Variants in SLC35H1 observed in about 807,000 individuals in gnomAD.
SLC35H1 encodes the protein solute carrier family 35 member H1.
the SLC35H1 span, chr20:46,354,881 C>T: frequency 6.3e-7 from 1 of 1,598,854 alleles, no homozygotes; most frequent in Non-Finnish European, 8.5e-7. Flanking sequence ...GCCCAACGTA[C>T]CTTCAAATAC....
chr20:46,355,878 G>A, the SLC35H1 span: 2 of 1,614,098 alleles, frequency 1.2e-6, no homozygotes, highest in Non-Finnish European at 1.7e-6. This position sits in a 1 kb window ranked among gnomAD's most constrained non-coding sequence, Gnocchi z 4.8. Context: ...TGTGTACCTG[G>A]AAGCAAAATT....
chr20:46,354,261 C>T, the SLC35H1 span, among the ~76,000 whole-genome samples: 1 of 152,166 alleles, frequency 6.6e-6, no homozygotes, highest in Non-Finnish European at 1.5e-5. Context: ...CACACATCCC[C>T]AGGTTATATT....
the SLC35H1 span, chr20:46,351,023 C>A: frequency 8.1e-7 from 1 of 1,235,226 alleles, no homozygotes; most frequent in Non-Finnish European, 1.1e-6. Flanking sequence ...TGGGCCCAGG[C>A]AGGCAGAGAG....
chr20:46,353,881 C>G, the SLC35H1 span, among the ~76,000 whole-genome samples: 3 of 152,004 alleles, frequency 2.0e-5, no homozygotes, highest in African/African-American at 7.3e-5. Flanking sequence ...AGGCCCTGAA[C>G]AGAAGTTTCC....
chr20:46,357,987 T>C, the SLC35H1 span, among the ~76,000 whole-genome samples: 1 of 152,230 alleles, frequency 6.6e-6, no homozygotes, highest in Non-Finnish European at 1.5e-5. Flanking sequence ...GACTCAATCC[T>C]AGCCTGGTGC....
chr20:46,362,655 A>AC, the SLC35H1 span, among the ~76,000 whole-genome samples: 1 of 152,016 alleles, frequency 6.6e-6, no homozygotes, highest in East Asian at 1.9e-4. Context: ...TCCCCAGAGG[A>AC]CCCCGCACTG....
the SLC35H1 span, chr20:46,354,803 C>T: frequency 7.8e-7 from 1 of 1,275,654 alleles, no homozygotes; most frequent in South Asian, 1.3e-5. Context: ...ATCTCTGCAG[C>T]TACCACTGTG....
the SLC35H1 span, among the ~76,000 whole-genome samples, chr20:46,362,292 C>G: frequency 6.6e-6 from 1 of 152,162 alleles, no homozygotes; most frequent in African/African-American, 2.4e-5. Flanking sequence ...TTTTTGAAAT[C>G]TCATTTGCTC....
chr20:46,355,982 G>T, the SLC35H1 span: 1 of 1,523,644 alleles, frequency 6.6e-7, no homozygotes, highest in Non-Finnish European at 8.8e-7. This position sits in a 1 kb window ranked among gnomAD's most constrained non-coding sequence, Gnocchi z 4.8. Flanking sequence ...AAACAGAGCT[G>T]GGCTGTCATC....
the SLC35H1 span, chr20:46,354,853 G>A: frequency 4.4e-5 from 68 of 1,555,186 alleles, no homozygotes; most frequent in Non-Finnish European, 5.2e-5. Flanking sequence ...CTGCACTGAG[G>A]TGCCCTTGAG....
At chr20:46,356,605 T>A in the SLC35H1 span, 1 of 1,614,102 alleles carries the variant, frequency 6.2e-7, no homozygotes, top group Non-Finnish European at 8.5e-7. Flanking sequence ...AAGCTCCAGT[T>A]GGACAAGCCC....
the SLC35H1 span, among the ~76,000 whole-genome samples, chr20:46,362,109 C>G: frequency 6.6e-6 from 1 of 152,146 alleles, no homozygotes; most frequent in Non-Finnish European, 1.5e-5. Context: ...GTCACCTATG[C>G]CCAAACACAA....
chr20:46,352,436 G>A, the SLC35H1 span: 125 of 562,250 alleles, frequency 2.2e-4, 2 homozygotes, highest in South Asian at 2.6e-3. Context: ...AGTGATGGCT[G>A]CCAGAGCGCC....
chr20:46,355,777 G>A, the SLC35H1 span: 14 of 1,613,826 alleles, frequency 8.7e-6, 1 homozygote, highest in East Asian at 2.5e-4. The surrounding 1 kb of genome is among the most constrained non-coding windows in gnomAD (Gnocchi z 4.8). Flanking sequence ...GGGCAGGAAG[G>A]ACACAAGAGA....
the SLC35H1 span, chr20:46,364,391 G>GCCGGAATCTCCCCA: frequency 6.6e-6 from 1 of 152,364 alleles, no homozygotes; most frequent in African/African-American, 2.4e-5. Flanking sequence ...GGAGCTCCAG[G>GCCGGAATCTCCCCA]CCGGAATCTC....
the SLC35H1 span, chr20:46,352,188 G>A: frequency 4.3e-6 from 7 of 1,614,186 alleles, no homozygotes; most frequent in Non-Finnish European, 5.9e-6. Flanking sequence ...CCTGTGTCCT[G>A]GAAACGGAAG....
At chr20:46,356,488 C>G in the SLC35H1 span, 169 of 1,361,092 alleles carry the variant, frequency 1.2e-4, no homozygotes, top group Admixed American at 8.1e-4. Flanking sequence ...GAGTGGCTGG[C>G]CTAGCAGCCG....
chr20:46,350,900 G>C, the SLC35H1 span: 8 of 1,613,454 alleles, frequency 5.0e-6, no homozygotes, highest in African/African-American at 5.3e-5. Flanking sequence ...CCTGGGGGCA[G>C]AGAAGCAGGA....
the SLC35H1 span, chr20:46,350,960 G>A: frequency 1.9e-6 from 3 of 1,587,726 alleles, no homozygotes; most frequent in African/African-American, 2.7e-5. Flanking sequence ...GAGGGTGGAA[G>A]GTGGGGGCAC....
Sources: gnomAD v4.1 joint callset for allele counts (sites outside exome capture counted in the v4.1 genomes callset) on GRCh38, gnomAD v4.1.1 for gene constraint, Gnocchi (gnomAD v3.1) non-coding constraint, MANE v1.5 for transcripts, NCBI Gene and HGNC (gene_info 2026-07-23, HGNC 2026-07-21) for gene names.